Variants in LHCGR observed in about 807,000 individuals in gnomAD.
The protein encoded by LHCGR is luteinizing hormone/choriogonadotropin receptor.
LHCGR carries 55 observed loss-of-function variants against 60.7 expected under a neutral mutation model. That is an observed-to-expected ratio of 0.91 (90% CI 0.73 to 1.13). LHCGR has a LOEUF of 1.13. Among genes scored for constraint, LHCGR ranks in the 50% most tolerant of loss-of-function variants. The pLI is 0.00. For synonymous variants in LHCGR, 337 were observed against 316.5 expected (o/e 1.06, Z -0.69); for missense variants, 862 against 836.0 (o/e 1.03, Z -0.38).
intron 1 of LHCGR, among the ~76,000 whole-genome samples, chr2:48,753,766 G>T (rs894028133): frequency 1.3e-5 from 2 of 152,060 alleles, no homozygotes; most frequent in Non-Finnish European, 2.9e-5. Flanking sequence ...CATGCCCCCA[G>T]TGGGAGTTCT....
chr2:48,717,447 A>G lies in LHCGR; in HGVS notation c.537-3393T>C, dbSNP rs147363822. ...AATCTGAAAGTATGATAATAGTATCAACCTCATAAAGCTATTGTAAGGACT... is the reference window on the plus strand; with the variant it reads ...AATCTGAAAGTATGATAATAGTATCGACCTCATAAAGCTATTGTAAGGACT... On this transcript the variant is annotated intron_variant, in intron 6 of 10. Transcript: ENST00000294954. Among the ~76,000 whole-genome samples the G allele has an allele frequency of 1.1e-4, 16 of 152,340 alleles. No homozygotes were observed. The East Asian group carries it at 3.1e-3, about 29-fold the overall frequency.
intron 6 of LHCGR, among the ~76,000 whole-genome samples, chr2:48,716,322 G>T (rs1047521292): frequency 6.6e-6 from 1 of 152,076 alleles, no homozygotes; most frequent in Non-Finnish European, 1.5e-5. Context: ...ATGATTTATG[G>T]TAAGAAATTC....
chr2:48,694,178 C>T (rs1476181350), intron 10 of LHCGR, 46 bp downstream of exon 10: 8 of 1,126,946 alleles, frequency 7.1e-6, no homozygotes, highest in Non-Finnish European at 1.1e-5. Context: ...AAGGTGCACA[C>T]AGAACAAGAT....
chr2:48,726,116 A>ATT (rs1212801913), intron 3 of LHCGR, among the ~76,000 whole-genome samples: 1 of 151,728 alleles, frequency 6.6e-6, no homozygotes, highest in African/African-American at 2.4e-5. Context: ...GTGATGAGAG[A>ATT]CTCCTCTCAG....
intron 2 of LHCGR, among the ~76,000 whole-genome samples, chr2:48,731,013 A>T (rs992481731): frequency 1.3e-5 from 2 of 152,160 alleles, no homozygotes; most frequent in African/African-American, 4.8e-5. Context: ...CATTTGAAGC[A>T]AGGTTAATTA....
intron 10 of LHCGR, among the ~76,000 whole-genome samples, chr2:48,692,534 C>T (rs370090307): frequency 6.6e-6 from 1 of 152,270 alleles, no homozygotes. Flanking sequence ...TGCTTATTGA[C>T]AAAGCCCAGC....
Position 48,698,750 on chromosome 2 carries a change from G to A in LHCGR, c.731C>T (p.Ser244Phe). 6.2e-7 allele frequency: 1 copy of A among 1,614,086 alleles called. No homozygotes were observed. ...TGACGTGGCAATTAGCCTCTGAATG[G>A]ACTCTAGGCCATAGCTCGGCAGGGC... ...LQALPSYGLE[S>F]IQRLIATSSY... The change falls in exon 9 of 11, where the codon TCC becomes TTC. Residue 244 changes from serine (S) to phenylalanine (F), a missense_variant. Transcript: ENST00000294954.
intron 8 of LHCGR, among the ~76,000 whole-genome samples, chr2:48,705,152 G>A (rs2104409127): frequency 6.6e-6 from 1 of 152,322 alleles, no homozygotes; most frequent in East Asian, 1.9e-4. Flanking sequence ...TATGTACCCA[G>A]TAGTCATTCA....
At chr2:48,689,570 G>C (rs1482433731) in intron 10 of LHCGR, among the ~76,000 whole-genome samples, 2 of 152,220 alleles carry the variant, frequency 1.3e-5, no homozygotes, top group African/African-American at 4.8e-5. Context: ...AATAGGAAGA[G>C]ATGGTGAAAA....
intron 1 of LHCGR, among the ~76,000 whole-genome samples, chr2:48,749,511 T>G (rs1369879377): frequency 1.3e-5 from 2 of 152,138 alleles, no homozygotes; most frequent in Non-Finnish European, 2.9e-5. Flanking sequence ...TCAACTGGCT[T>G]TAAAACCTCA....
chr2:48,723,672 T>C lies in LHCGR; in HGVS notation c.408A>G (p.Arg136=). The stretch of plus-strand genomic sequence containing the variant: ...AGACCTTCGTAACATCTGGAAACTT[T>C]CTGATGCCTGTGTTACAGATGCTCC... The part of the protein sequence containing the change: ...KYLSICNTGI[R]KFPDVTKVFS... The change falls in exon 5 of 11, where the codon AGA becomes AGG. Residue 136 remains arginine, a synonymous_variant. Transcript: ENST00000294954. 1.2e-6 allele frequency: 2 copies of C among 1,613,734 alleles called. No individual in the cohort carries two copies. The highest frequency in any genetic ancestry group is 2.7e-5 in the African/African-American group (2 of 75,052).
At chr2:48,736,745 T>A (rs1029666554) in intron 1 of LHCGR, among the ~76,000 whole-genome samples, 75 of 152,286 alleles carry the variant, frequency 4.9e-4, no homozygotes, top group African/African-American at 1.6e-3. Flanking sequence ...TTAAAAATTT[T>A]AAAAAAATCT....
In LHCGR at chr2:48,731,318, A is replaced by ATTTT; in HGVS notation, c.162-21_162-20insAAAA. On this transcript the variant is annotated intron_variant, in intron 1 of 10. Coordinates refer to ENST00000294954, the MANE Select transcript of LHCGR (RefSeq NM_000233.4). ...AGTGATCTAGAAAAGAAAAAAGGAA[A>ATTTT]TCCAAGAGTTTAAGATTTATGATAG... is the stretch of plus-strand genomic sequence containing the variant. 1.9e-6 allele frequency: 3 copies of ATTTT among 1,577,810 alleles called. No individual in the cohort carries two copies. Among genetic ancestry groups the ATTTT allele is most frequent in the Non-Finnish European group, 1.7e-6 (2 of 1,150,438 alleles).
rs1419781839 is a variant in LHCGR, at chr2:48,694,288, A to C, written c.883T>G (p.Ser295Ala). ...LPTKEQNFSH[S>A]ISENFSKQCE... ...TGTTTGGAAAAGTTTTCAGAAATGGAATGTGAAAAATTCTGTCTGAAAGAG... is the reference window on the plus strand; with the variant it reads ...TGTTTGGAAAAGTTTTCAGAAATGGCATGTGAAAAATTCTGTCTGAAAGAG... The change falls in exon 10 of 11, where the codon TCC (serine) becomes GCC (alanine). Residue 295 changes from serine (S) to alanine (A), a missense_variant. Coordinates refer to ENST00000294954, the MANE Select transcript of LHCGR (RefSeq NM_000233.4). 18 of 1,598,714 alleles carry C rather than the reference A, an allele frequency of 1.1e-5. No individual in the cohort carries two copies. Among genetic ancestry groups the C allele is most frequent in the Non-Finnish European group, 1.5e-5 (17 of 1,168,506 alleles).
chr2:48,754,769 T>G (rs1342597492), intron 1 of LHCGR, among the ~76,000 whole-genome samples: 1 of 152,170 alleles, frequency 6.6e-6, no homozygotes, highest in Non-Finnish European at 1.5e-5. Flanking sequence ...GGAGACCTGA[T>G]GACACCCTGA....
intron 10 of LHCGR, among the ~76,000 whole-genome samples, chr2:48,689,972 C>CT (rs1192476756): frequency 3.3e-5 from 5 of 152,158 alleles, no homozygotes; most frequent in African/African-American, 4.8e-5. Flanking sequence ...CCTCGGCCTC[C>CT]AAAGTGCTGG....
Position 48,688,461 on chromosome 2 carries a change from T to TG in LHCGR, c.1335dup (p.Thr446HisfsTer6), listed in dbSNP as rs1453790237. 1 of 1,613,920 alleles carries TG rather than the reference T, an allele frequency of 6.2e-7. No individual in the cohort carries two copies. ...ACAGAAAGTTCACTTGCGAATACAG[T>TG]GAAAAAGCCAGCAGTGCTGCACCCA... On this transcript the variant is annotated frameshift_variant, in exon 11 of 11. Transcript: ENST00000294954. LOFTEE classifies it high-confidence loss of function. This position sits in a 1 kb window ranked among gnomAD's most constrained non-coding sequence, Gnocchi z 5.2.
chr2:48,710,939 G>C (rs1328629941), intron 7 of LHCGR, among the ~76,000 whole-genome samples: 1 of 152,196 alleles, frequency 6.6e-6, no homozygotes, highest in Non-Finnish European at 1.5e-5. Flanking sequence ...GCCCTTAGAA[G>C]AGAATTCAGA....
chr2:48,698,027 C>T lies in LHCGR; in HGVS notation c.866+588G>A, dbSNP rs904061260. Among the ~76,000 whole-genome samples, 6 of 152,262 alleles carry T rather than the reference C, an allele frequency of 3.9e-5. No individual in the cohort carries two copies. In the East Asian group the frequency reaches 5.8e-4, roughly 15 times the overall value. The stretch of plus-strand genomic sequence containing the variant: ...TGAGGAAAGAACGAAATTCTGCCAC[C>T]GTGTCCCCCACCCTGGACTGAACGG... On this transcript the variant is annotated intron_variant, in intron 9 of 10. Coordinates refer to ENST00000294954, the MANE Select transcript of LHCGR (RefSeq NM_000233.4).
Sources: allele counts gnomAD v4.1 joint callset (sites outside exome capture counted in the v4.1 genomes callset), GRCh38; gene constraint gnomAD v4.1.1; non-coding constraint Gnocchi (gnomAD v3.1); transcripts MANE v1.5; gene names NCBI Gene and HGNC (gene_info 2026-07-23, HGNC 2026-07-21).